Variants in ELF5 observed in about 807,000 individuals in gnomAD.
ELF5 encodes ETS-related transcription factor Elf-5.
A neutral mutation model predicts 38.2 loss-of-function variants in ELF5; 31 were observed. That is an observed-to-expected ratio of 0.81 (90% confidence interval 0.61 to 1.10). ELF5 has a LOEUF of 1.10. Ranked by LOEUF, ELF5 falls within the 50% of genes least tolerant of loss-of-function variation. ELF5 has a pLI of 0.00. For missense variants in ELF5, 300 were observed against 306.6 expected (o/e 0.98, Z 0.16); for synonymous variants, 121 against 112.5 (o/e 1.08, Z -0.48).
intron 2 of ELF5, among the ~76,000 whole-genome samples, chr11:34,498,027 A>G (rs1025094999): frequency 7.2e-5 from 11 of 152,238 alleles, no homozygotes. Flanking sequence ...TATTAGCTCC[A>G]GGAAGCTCCT....
intron 2 of ELF5, 51 bp from the exon 3 acceptor site, chr11:34,493,763 G>C (rs573637517): frequency 2.0e-6 from 3 of 1,532,348 alleles, no homozygotes; most frequent in Admixed American, 1.7e-5. Flanking sequence ...GACAGCCTTC[G>C]AGAGGGCCCC....
At chr11:34,510,989 T>C (rs73438756) in intron 1 of ELF5, among the ~76,000 whole-genome samples, 9,125 of 152,144 alleles carry the variant, frequency 0.06, 887 homozygotes, top group African/African-American at 0.21. Flanking sequence ...CCTGGAGTTA[T>C]GATTCTGCCT....
chr11:34,511,596 A>C, intron 1 of ELF5: 4 of 1,614,186 alleles, frequency 2.5e-6, no homozygotes, highest in Non-Finnish European at 3.4e-6. Context: ...AGATGCCTCC[A>C]GTGGCTTCTG....
chr11:34,493,137 A>G, intron 3 of ELF5: 1 of 477,764 alleles, frequency 2.1e-6, no homozygotes, highest in South Asian at 3.4e-5. Flanking sequence ...TTAATGAGAG[A>G]TGAAGCACAA....
intron 2 of ELF5, among the ~76,000 whole-genome samples, chr11:34,504,697 G>T (rs1850562470): frequency 6.6e-6 from 1 of 152,236 alleles, no homozygotes; most frequent in African/African-American, 2.4e-5. Context: ...TGTTGTGCCA[G>T]CAGTCAGCCA....
chr11:34,502,775 T>C (rs1054854078), intron 2 of ELF5, among the ~76,000 whole-genome samples: 1 of 152,200 alleles, frequency 6.6e-6, no homozygotes, highest in Non-Finnish European at 1.5e-5. Flanking sequence ...TTGATGGGAA[T>C]TTCTGTTTTC....
rs2133867675 is a variant in ELF5 at position 34,480,705 on chromosome 11, T to G, written c.671+67A>C. ...AAAAAACCTGCAAAAACAGTGTAAT[T>G]TTCTACAGCCAGCCATTGTATATAA... On this transcript the variant is annotated intron_variant, in intron 6 of 6. Coordinates refer to ENST00000257832, the MANE Select transcript of ELF5 (RefSeq NM_001422.4). 2.6e-6 allele frequency: 4 copies of G among 1,541,846 alleles called. No homozygotes were observed. In the East Asian group the frequency reaches 9.0e-5, roughly 35 times the overall value.
rs1052613386 is a variant in ELF5 at position 34,493,333 on chromosome 11, C to A, written c.355+146G>T. On this transcript the variant is annotated intron_variant, in intron 3 of 6. Coordinates refer to ENST00000257832, the MANE Select transcript of ELF5 (RefSeq NM_001422.4). ...AAAATCCCCAATTCTGGCATACTAG[C>A]TTCCAGTTATTGAAGGTTTGGATTA... 1.0e-5 allele frequency: 8 copies of A among 772,030 alleles called. No homozygotes were observed. In the African/African-American group the frequency reaches 1.4e-4, roughly 13 times the overall value. 47.8% of individuals were successfully genotyped at this position (772,030 alleles called of 1,614,324 possible).
chr11:34,501,566 A>G (rs1850469156), intron 2 of ELF5, among the ~76,000 whole-genome samples: 1 of 152,058 alleles, frequency 6.6e-6, no homozygotes, highest in Non-Finnish European at 1.5e-5. Context: ...TGTGAACTAC[A>G]TGCAGCCTCC....
intron 1 of ELF5, among the ~76,000 whole-genome samples, chr11:34,508,334 C>T (rs1850661268): frequency 6.6e-6 from 1 of 152,020 alleles, no homozygotes; most frequent in Non-Finnish European, 1.5e-5. Context: ...AAACCCCCGT[C>T]TCTACTAAAA....
At chr11:34,495,590 GT>G (rs1850295916) in intron 2 of ELF5, among the ~76,000 whole-genome samples, 1 of 152,226 alleles carries the variant, frequency 6.6e-6, no homozygotes, top group Non-Finnish European at 1.5e-5. Flanking sequence ...CCACCGAAGG[GT>G]GGGTGGAGGG....
chr11:34,497,856 C>T (rs1323839523), intron 2 of ELF5, among the ~76,000 whole-genome samples: 1 of 152,186 alleles, frequency 6.6e-6, no homozygotes, highest in Admixed American at 6.5e-5. Flanking sequence ...TTGTGATGAA[C>T]AATCTGACAG....
chr11:34,480,670 A>T (rs1341499899), intron 6 of ELF5, 102 bp downstream of exon 6: 2 of 1,339,944 alleles, frequency 1.5e-6, no homozygotes, highest in Non-Finnish European at 2.1e-6. Context: ...TGACCTTTCC[A>T]TTATCAAGTA....
intron 2 of ELF5, among the ~76,000 whole-genome samples, chr11:34,502,850 T>A (rs902418894): frequency 2.0e-5 from 3 of 152,196 alleles, no homozygotes; most frequent in Admixed American, 2.0e-4. Flanking sequence ...TCACAGAAGC[T>A]TCTGGAAGGG....
chr11:34,484,481 A>AACTATACTATACTATACTATACTAT (rs67918732), intron 4 of ELF5, among the ~76,000 whole-genome samples: 2 of 115,854 alleles, frequency 1.7e-5, no homozygotes, highest in African/African-American at 3.3e-5. Flanking sequence ...ACACTATACT[A>AACTATACTATACTATACTATACTAT]ACTATACTAT....
intron 1 of ELF5, among the ~76,000 whole-genome samples, chr11:34,509,826 T>C (rs1850707381): frequency 6.6e-6 from 1 of 152,142 alleles, no homozygotes; most frequent in Admixed American, 6.5e-5. Context: ...TGATATGACC[T>C]TCTTTGGGTT....
In ELF5 at chr11:34,493,607, C is replaced by G; in HGVS notation, c.227G>C (p.Cys76Ser). Reference sequence around the variant, plus strand: ...GATGTTGAAGTTGCAGAAGGAGATGCAATTGGTGTCCAACTTGTACTGGTC... The same window carrying G: ...GATGTTGAAGTTGCAGAAGGAGATGGAATTGGTGTCCAACTTGTACTGGTC... ...CCDQYKLDTN[C>S]ISFCNFNISG... is the part of the protein sequence containing the mutation. Residue 76 changes from cysteine to serine, a missense_variant, in exon 3 of 7, where the codon TGC becomes TCC. Cys to Ser is a moderately radical substitution (Grantham distance 112). Transcript: ENST00000257832. The G allele has an allele frequency of 5.0e-6, 8 of 1,614,182 alleles. No individual in the cohort carries two copies. The highest frequency in any genetic ancestry group is 6.8e-6 in the Non-Finnish European group (8 of 1,180,038).
intron 2 of ELF5, among the ~76,000 whole-genome samples, chr11:34,497,650 T>C (rs1850350349): frequency 6.6e-6 from 1 of 152,154 alleles, no homozygotes; most frequent in Middle Eastern, 3.2e-3. Flanking sequence ...GATTGGAAAG[T>C]TCATGCCAAA....
chr11:34,500,526 G>T (rs1210934047), intron 2 of ELF5, among the ~76,000 whole-genome samples: 1 of 152,232 alleles, frequency 6.6e-6, no homozygotes, highest in East Asian at 1.9e-4. Context: ...GAGAAGGGCT[G>T]GCTGCAAAGT....
Sources: gnomAD v4.1 joint callset for allele counts (sites outside exome capture counted in the v4.1 genomes callset) on GRCh38, gnomAD v4.1.1 for gene constraint, MANE v1.5 for transcripts, NCBI Gene and HGNC (gene_info 2026-07-23, HGNC 2026-07-21) for gene names.